The following SEMA6A variants were observed in gnomAD, a reference collection of about 807,000 sequenced individuals.
SEMA6A encodes semaphorin 6A, also known as semaphorin-6A.
In SEMA6A, 25 loss-of-function variants were observed where a neutral mutation model predicts 96.8. The ratio of observed to expected loss-of-function variants is 0.26; its 90% CI spans 0.19 to 0.36. The LOEUF (loss-of-function observed/expected upper bound fraction) is 0.36. Among genes scored for constraint, SEMA6A ranks in the 10% least tolerant of loss-of-function variants. The probability of loss-of-function intolerance (pLI) is 1.00; values close to 1 mark genes in which losing one functional copy is unlikely to be tolerated. For missense variants in SEMA6A, 1,363 were observed against 1,323.1 expected (o/e 1.03, Z -0.47); for synonymous variants, 612 against 518.0 (o/e 1.18, Z -2.46).
intron 1 of SEMA6A, among the ~76,000 whole-genome samples, chr5:116,539,590 CGTGTGTGT>C (rs138539399): frequency 1.2e-4 from 17 of 144,852 alleles, no homozygotes; most frequent in East Asian, 4.0e-4. Flanking sequence ...TAATTCTGTG[CGTGTGTGT>C]GTGTGTGTGT....
At position 116,446,748 on chromosome 5, in the gene SEMA6A, C is replaced by G. The variant is rs1754236668; in HGVS notation, c.2958G>C (p.Gln986His). The G allele has an allele frequency of 6.2e-7, 1 of 1,607,062 alleles. No homozygotes were observed. Among genetic ancestry groups the G allele is most frequent in the African/African-American group, 1.3e-5 (1 of 74,838 alleles). The change falls in exon 19 of 19, where the codon CAG (glutamine) becomes CAC (histidine). Residue 986 changes from glutamine (Q) to histidine (H), a missense_variant. Transcript: ENST00000343348. ...PSGQAVTVSR[Q>H]PSLNAYNSLT... ...GTGAGTTGTAGGCGTTGAGGCTGGGCTGCCTCGAGACAGTCACGGCCTGGC... is the reference window on the plus strand; with the variant it reads ...GTGAGTTGTAGGCGTTGAGGCTGGGGTGCCTCGAGACAGTCACGGCCTGGC...
chr5:116,556,178 A>C (rs973963504), intron 1 of SEMA6A, among the ~76,000 whole-genome samples: 3 of 152,210 alleles, frequency 2.0e-5, no homozygotes, highest in Non-Finnish European at 4.4e-5. Flanking sequence ...GAAATATCCA[A>C]TAAGATCTAA....
chr5:116,484,285 T>C (rs1340452683), intron 10 of SEMA6A, among the ~76,000 whole-genome samples: 3 of 152,110 alleles, frequency 2.0e-5, no homozygotes, highest in Non-Finnish European at 4.4e-5. Flanking sequence ...TATCCTAGGG[T>C]TTCGTAGTCT....
chr5:116,539,106 A>G (rs1044618246), intron 1 of SEMA6A, among the ~76,000 whole-genome samples: 5 of 152,174 alleles, frequency 3.3e-5, no homozygotes, highest in African/African-American at 4.8e-5. Flanking sequence ...CTTATCTACC[A>G]CAACCCAATG....
chr5:116,551,672 A>G (rs539543799), intron 1 of SEMA6A, among the ~76,000 whole-genome samples: 1 of 152,150 alleles, frequency 6.6e-6, no homozygotes, highest in Non-Finnish European at 1.5e-5. Flanking sequence ...CTCTTCTCCC[A>G]TGCACATAGT....
chr5:116,477,620 T>C (rs771854616), intron 15 of SEMA6A, among the ~76,000 whole-genome samples: 1 of 152,240 alleles, frequency 6.6e-6, no homozygotes, highest in Non-Finnish European at 1.5e-5. Context: ...GTTTCCATTC[T>C]GTGTTTTTAA....
intron 1 of SEMA6A, chr5:116,554,961 G>C (rs1207396805): frequency 1.3e-5 from 2 of 152,176 alleles, no homozygotes; most frequent in East Asian, 3.9e-4. Flanking sequence ...GTGAACATCT[G>C]TCCACTAGCA....
chr5:116,573,219 G>A (rs1256325598), intron 1 of SEMA6A, among the ~76,000 whole-genome samples: 2 of 152,300 alleles, frequency 1.3e-5, no homozygotes, highest in Non-Finnish European at 1.5e-5. Flanking sequence ...TAGCGCCCTA[G>A]GACACAGTGA....
chr5:116,573,750 C>A (rs1379026158), intron 1 of SEMA6A, among the ~76,000 whole-genome samples: 1 of 152,134 alleles, frequency 6.6e-6, no homozygotes, highest in African/African-American at 2.4e-5. Context: ...CTCCAGCCCT[C>A]GAGGGCAGAA....
At chr5:116,510,911 T>A (rs1325662797) in intron 1 of SEMA6A, among the ~76,000 whole-genome samples, 1 of 152,212 alleles carries the variant, frequency 6.6e-6, no homozygotes, top group African/African-American at 2.4e-5. Flanking sequence ...GGGGGTCTAC[T>A]GAGTATCTTC....
chr5:116,502,399 G>T, intron 2 of SEMA6A, 72 bp from the exon 3 acceptor site: 2 of 1,297,960 alleles, frequency 1.5e-6, no homozygotes, highest in Non-Finnish European at 2.2e-6. Flanking sequence ...AGGGAGGGGA[G>T]GGAGACAGGT....
At chr5:116,564,322 TTTC>T (rs777379349) in intron 1 of SEMA6A, among the ~76,000 whole-genome samples, 6 of 152,216 alleles carry the variant, frequency 3.9e-5, no homozygotes, top group Admixed American at 6.5e-5. Flanking sequence ...GAATTCAAAG[TTTC>T]TTCTTCTAAA....
intron 16 of SEMA6A, among the ~76,000 whole-genome samples, chr5:116,474,371 G>T (rs969677095): frequency 6.6e-6 from 1 of 151,728 alleles, no homozygotes; most frequent in Non-Finnish European, 1.5e-5. Context: ...AAGGTCCACT[G>T]ATCAAACATC....
At chr5:116,529,173 T>C (rs1033720724) in intron 1 of SEMA6A, among the ~76,000 whole-genome samples, 2 of 152,166 alleles carry the variant, frequency 1.3e-5, no homozygotes, top group Non-Finnish European at 2.9e-5. Context: ...TATTTTATAT[T>C]CCAACCAGTT....
At chr5:116,515,847 A>G (rs1436322209) in intron 1 of SEMA6A, among the ~76,000 whole-genome samples, 1 of 152,176 alleles carries the variant, frequency 6.6e-6, no homozygotes, top group African/African-American at 2.4e-5. Flanking sequence ...CTCCTACAGA[A>G]TTAATAACAA....
intron 3 of SEMA6A, chr5:116,498,368 G>A (rs972696299): frequency 1.6e-4 from 25 of 152,292 alleles, no homozygotes; most frequent in African/African-American, 5.5e-4. Flanking sequence ...AAAGAGCGGG[G>A]AGGTGATAAG....
chr5:116,556,771 T>G (rs994090228), intron 1 of SEMA6A, among the ~76,000 whole-genome samples: 1 of 152,194 alleles, frequency 6.6e-6, no homozygotes, highest in Non-Finnish European at 1.5e-5. Flanking sequence ...TGATCTGAGT[T>G]TCAGAACTTT....
Position 116,478,326 on chromosome 5 carries a change from A to G in SEMA6A, c.1428-172T>C, listed in dbSNP as rs192403178. ...TAAACACACACATGTATATGTATCT[A>G]TATAAACACACACACATATATGTAT... On this transcript the variant is annotated intron_variant, in intron 13 of 18. Coordinates refer to ENST00000343348, the MANE Select transcript of SEMA6A (RefSeq NM_020796.5). 852 of 773,612 alleles carry G rather than the reference A, an allele frequency of 1.1e-3. 3 individuals carry two copies. The African/African-American group carries it at 0.013, about 12-fold the overall frequency. 47.9% of individuals were successfully genotyped at this position (773,612 alleles called of 1,614,324 possible).
chr5:116,546,570 C>T (rs560368217), intron 1 of SEMA6A, among the ~76,000 whole-genome samples: 1 of 152,184 alleles, frequency 6.6e-6, no homozygotes, highest in Non-Finnish European at 1.5e-5. Flanking sequence ...TGAGCATCTA[C>T]ATTTCTAATA....
Sources: gnomAD v4.1 joint callset for allele counts (sites outside exome capture counted in the v4.1 genomes callset) on GRCh38, gnomAD v4.1.1 for gene constraint, MANE v1.5 for transcripts, NCBI Gene and HGNC (gene_info 2026-07-23, HGNC 2026-07-21) for gene names.